PALLD: variants seen among roughly 807,000 people sequenced by gnomAD.
PALLD encodes the protein palladin.
A neutral mutation model predicts 123.5 loss-of-function variants in PALLD; 61 were observed. That is an observed-to-expected ratio of 0.49 (90% CI 0.40 to 0.61). The LOEUF (loss-of-function observed/expected upper bound fraction) is 0.61, where lower values mean the gene tolerates loss of function less well. Ranked by LOEUF, PALLD falls within the 20% of genes least tolerant of loss-of-function variation. The pLI, the probability that PALLD is intolerant of heterozygous loss-of-function variation, is 0.00. For synonymous variants in PALLD, 465 were observed against 496.4 expected (o/e 0.94, Z 0.84); for missense variants, 1,273 against 1,377.0 (o/e 0.92, Z 1.20).
intron 11 of PALLD, among the ~76,000 whole-genome samples, chr4:168,892,825 T>TTA (rs1407639135): frequency 2.0e-5 from 3 of 152,040 alleles, no homozygotes; most frequent in Admixed American, 1.3e-4. Flanking sequence ...TCAACCCACA[T>TTA]TATATATATT....
chr4:168,816,206 C>T (rs550244583), intron 10 of PALLD, among the ~76,000 whole-genome samples: 1 of 152,066 alleles, frequency 6.6e-6, no homozygotes. Context: ...CCGTGCTTTC[C>T]TCACTCACAT....
At chr4:168,713,009 A>C (rs1226335295) in intron 10 of PALLD, among the ~76,000 whole-genome samples, 2 of 152,250 alleles carry the variant, frequency 1.3e-5, no homozygotes, top group Non-Finnish European at 2.9e-5. Context: ...AGACTAATCA[A>C]ATAACAAAAG....
At chr4:168,885,786 TA>T (rs1386528844) in intron 10 of PALLD, among the ~76,000 whole-genome samples, 4 of 152,184 alleles carry the variant, frequency 2.6e-5, no homozygotes, top group Non-Finnish European at 5.9e-5. Context: ...ATGAATGCAA[TA>T]TAAACTGTGT....
chr4:168,880,807 T>G (rs1282570924), intron 10 of PALLD, among the ~76,000 whole-genome samples: 1 of 152,258 alleles, frequency 6.6e-6, no homozygotes, highest in Non-Finnish European at 1.5e-5. Context: ...AATTGGTTGA[T>G]TATATGTAAC....
chr4:168,849,165 C>T (rs74652468), intron 10 of PALLD, among the ~76,000 whole-genome samples: 3,565 of 152,324 alleles, frequency 0.023, 145 homozygotes, highest in African/African-American at 0.081. Flanking sequence ...TGACTTTTGT[C>T]TTTAACTTTC....
At chr4:168,604,085 C>G (rs1167164988) in intron 2 of PALLD, among the ~76,000 whole-genome samples, 1 of 152,160 alleles carries the variant, frequency 6.6e-6, no homozygotes. Flanking sequence ...AAAACTCTCC[C>G]TTAGGAAAGT....
intron 1 of PALLD, among the ~76,000 whole-genome samples, chr4:168,508,661 A>C (rs1221442855): frequency 2.0e-5 from 3 of 152,236 alleles, no homozygotes; most frequent in Admixed American, 1.3e-4. Flanking sequence ...TAAATAAATA[A>C]ATAACAAATA....
chr4:168,911,386 A>G (rs935335237), intron 15 of PALLD, among the ~76,000 whole-genome samples: 3 of 152,220 alleles, frequency 2.0e-5, no homozygotes, highest in Non-Finnish European at 4.4e-5. Flanking sequence ...TTCATATCAC[A>G]AGGAAGGATA....
rs1041611510 is a variant in PALLD at position 168,877,988 on chromosome 4, G to A, written c.1965-12934G>A. 1 of 1,499,846 alleles carries A rather than the reference G, an allele frequency of 6.7e-7. No homozygotes were observed. The highest frequency in any genetic ancestry group is 8.8e-7 in the Non-Finnish European group (1 of 1,130,236). 92.9% of individuals were successfully genotyped at this position (1,499,846 alleles called of 1,614,324 possible). On this transcript the variant is annotated intron_variant, in intron 10 of 21. Coordinates refer to ENST00000505667, the MANE Select transcript of PALLD (RefSeq NM_001166108.2). ...GCAGTTCATCGCCGCGCAGAACCTC[G>A]GGCCCGCGTCGGGCCACGGCACGCC...
chr4:168,847,955 A>G (rs1488115901), intron 10 of PALLD, among the ~76,000 whole-genome samples: 3 of 152,180 alleles, frequency 2.0e-5, no homozygotes, highest in Middle Eastern at 3.2e-3. Flanking sequence ...CTGACACTCT[A>G]TTTCCCAATC....
At chr4:168,771,658 A>G (rs12510663) in intron 10 of PALLD, among the ~76,000 whole-genome samples, 56,920 of 152,020 alleles carry the variant, frequency 0.37, 11,828 homozygotes, top group East Asian at 0.55. Flanking sequence ...TGCCCACACC[A>G]TAGAGGGCTT....
At chr4:168,816,424 G>C (rs576097658) in intron 10 of PALLD, among the ~76,000 whole-genome samples, 1 of 111,700 alleles carries the variant, frequency 9.0e-6, no homozygotes, top group African/African-American at 3.0e-5. Flanking sequence ...TTTTTTTTAA[G>C]TATTAGATTG....
chr4:168,785,842 T>TAG (rs201333690), intron 10 of PALLD, among the ~76,000 whole-genome samples: 78 of 98,908 alleles, frequency 7.9e-4, no homozygotes, highest in South Asian at 9.9e-4. Context: ...TAATAAACTG[T>TAG]AGAGATATAT....
In PALLD at chr4:168,559,275, G is replaced by A. The variant is rs565030653; in HGVS notation, c.908+46863G>A. ...AAACTCTAATTAGTTTAACAAGTTA[G>A]CCAGCCAACGCCACAGCAAGACTAT... is the stretch of plus-strand genomic sequence containing the variant. On this transcript the variant is annotated intron_variant, in intron 2 of 21. Transcript: ENST00000505667. Among the ~76,000 whole-genome samples the A allele has an allele frequency of 2.1e-4, 32 of 152,242 alleles. No homozygotes were observed. The South Asian group carries it at 5.2e-3, about 25-fold the overall frequency.
chr4:168,856,160 AC>A (rs1748579949), intron 10 of PALLD, among the ~76,000 whole-genome samples: 1 of 152,206 alleles, frequency 6.6e-6, no homozygotes, highest in Non-Finnish European at 1.5e-5. Flanking sequence ...CCATGTTGCT[AC>A]AAAGGACATG....
intron 2 of PALLD, among the ~76,000 whole-genome samples, chr4:168,655,326 A>G (rs773589814): frequency 1.3e-5 from 2 of 152,210 alleles, no homozygotes; most frequent in Non-Finnish European, 2.9e-5. Flanking sequence ...TTCTGTACAT[A>G]CAATTATTGA....
chr4:168,896,310 A>G (rs1286728601), intron 12 of PALLD, among the ~76,000 whole-genome samples: 1 of 152,182 alleles, frequency 6.6e-6, no homozygotes, highest in African/African-American at 2.4e-5. Context: ...ATTAGCTTAC[A>G]GTTGGGCAAA....
At chr4:168,817,192 G>T (rs1742093196) in intron 10 of PALLD, among the ~76,000 whole-genome samples, 1 of 152,178 alleles carries the variant, frequency 6.6e-6, no homozygotes, top group Non-Finnish European at 1.5e-5. Flanking sequence ...TGTGTCTGAA[G>T]AGATGTTTAG....
chr4:168,606,089 G>A (rs1014323908), intron 2 of PALLD, among the ~76,000 whole-genome samples: 8 of 152,272 alleles, frequency 5.3e-5, no homozygotes, highest in South Asian at 2.1e-4. Context: ...GTCCTTGCCT[G>A]TAAAGTGAAT....
Sources: allele counts gnomAD v4.1 joint callset (sites outside exome capture counted in the v4.1 genomes callset), GRCh38; gene constraint gnomAD v4.1.1; transcripts MANE v1.5; gene names NCBI Gene and HGNC (gene_info 2026-07-23, HGNC 2026-07-21).